The following ABCB1 variants were observed in gnomAD, a reference collection of about 807,000 sequenced individuals.
ABCB1 encodes the protein ATP binding cassette subfamily B member 1.
Under a neutral mutation model 142.0 loss-of-function variants are expected in ABCB1, and 69 were observed. That is an observed-to-expected ratio of 0.49 (90% CI 0.40 to 0.59). The LOEUF (loss-of-function observed/expected upper bound fraction) is 0.59. Among genes scored for constraint, ABCB1 ranks in the 20% least tolerant of loss-of-function variants. The pLI is 0.00. For missense variants in ABCB1, 1,326 were observed against 1,554.7 expected (o/e 0.85, Z 2.47); for synonymous variants, 532 against 539.2 (o/e 0.99, Z 0.18).
chr7:87,561,184 T>C, intron 8 of ABCB1, 79 bp downstream of exon 8: 1 of 1,542,190 alleles, frequency 6.5e-7, no homozygotes, highest in Non-Finnish European at 8.9e-7. Flanking sequence ...AAAATGCTTA[T>C]AAATAACACT....
intron 3 of ABCB1, among the ~76,000 whole-genome samples, chr7:87,588,981 T>C (rs768356895): frequency 1.3e-5 from 2 of 152,224 alleles, no homozygotes; most frequent in Non-Finnish European, 2.9e-5. Flanking sequence ...TGCCCATCTT[T>C]TTATTGGGTT....
intron 2 of ABCB1, among the ~76,000 whole-genome samples, chr7:87,598,593 G>C (rs959542892): frequency 6.6e-6 from 1 of 152,132 alleles, no homozygotes; most frequent in Non-Finnish European, 1.5e-5. Flanking sequence ...TATAACAATG[G>C]AAGTTCCAAA....
At chr7:87,674,569 C>A (rs1480062353) in intron 1 of ABCB1, among the ~76,000 whole-genome samples, 1 of 151,940 alleles carries the variant, frequency 6.6e-6, no homozygotes, top group Non-Finnish European at 1.5e-5. Context: ...AGGGCATGGG[C>A]AAATAGTATA....
intron 1 of ABCB1, among the ~76,000 whole-genome samples, chr7:87,647,600 A>G (rs1823138987): frequency 6.6e-6 from 1 of 152,198 alleles, no homozygotes; most frequent in African/African-American, 2.4e-5. Flanking sequence ...CTTACTTTGC[A>G]TGGTTCCAGT....
intron 15 of ABCB1, among the ~76,000 whole-genome samples, chr7:87,545,599 C>T (rs772135195): frequency 7.2e-5 from 11 of 152,200 alleles, no homozygotes; most frequent in Non-Finnish European, 1.3e-4. Context: ...CATTTAAATG[C>T]TGTACAGACA....
At chr7:87,702,907 A>C (rs1829219614) in intron 1 of ABCB1, among the ~76,000 whole-genome samples, 1 of 152,198 alleles carries the variant, frequency 6.6e-6, no homozygotes, top group Non-Finnish European at 1.5e-5. Context: ...AGGTATACTC[A>C]ACAGAAGGTT....
At chr7:87,677,397 A>G (rs999523585) in intron 1 of ABCB1, among the ~76,000 whole-genome samples, 1 of 152,084 alleles carries the variant, frequency 6.6e-6, no homozygotes, top group African/African-American at 2.4e-5. Context: ...AGGTCAATAA[A>G]CTACATGAAA....
At chr7:87,506,250 T>C in intron 26 of ABCB1, 1 of 575,012 alleles carries the variant, frequency 1.7e-6, no homozygotes, top group Non-Finnish European at 3.1e-6. Flanking sequence ...GTTTGGGCCT[T>C]AAGATGATAT....
chr7:87,572,430 T>C lies in ABCB1; in HGVS notation c.287-2207A>G, dbSNP rs1014170563. 2.0e-5 allele frequency among the ~76,000 whole-genome samples: 3 copies of C among 152,228 alleles called. No homozygotes were observed. In the East Asian group the frequency reaches 5.8e-4, roughly 29 times the overall value. ...TTCAAGGTCAAAATTGCCTCCTTTATGTTTGTATGTCCAATTACACCATAC... is the reference window on the plus strand; with the variant it reads ...TTCAAGGTCAAAATTGCCTCCTTTACGTTTGTATGTCCAATTACACCATAC... On this transcript the variant is annotated intron_variant, in intron 4 of 27. Transcript: ENST00000622132.
chr7:87,583,088 G>A (rs117773249), intron 4 of ABCB1, among the ~76,000 whole-genome samples: 3,981 of 152,240 alleles, frequency 0.026, 80 homozygotes, highest in Middle Eastern at 0.044. Flanking sequence ...AATTATATAA[G>A]GAACCATATC....
intron 9 of ABCB1, 52 bp from the exon 10 acceptor site, chr7:87,550,890 T>C (rs185988672): frequency 1.4e-5 from 16 of 1,122,750 alleles, no homozygotes; most frequent in Non-Finnish European, 2.0e-5. Context: ...GACAGCAATT[T>C]TTTTTCATAC....
chr7:87,539,934 T>C (rs1488905385), intron 18 of ABCB1, among the ~76,000 whole-genome samples: 2 of 152,150 alleles, frequency 1.3e-5, no homozygotes, highest in Non-Finnish European at 2.9e-5. Flanking sequence ...TAACCAAATT[T>C]ACATTGAGCA....
intron 1 of ABCB1, among the ~76,000 whole-genome samples, chr7:87,609,866 A>C (rs1819788384): frequency 6.6e-6 from 1 of 152,170 alleles, no homozygotes; most frequent in African/African-American, 2.4e-5. Flanking sequence ...GAAAAAAAAA[A>C]TGTGAAGGAA....
chr7:87,632,863 AC>A (rs1388214716), intron 1 of ABCB1, among the ~76,000 whole-genome samples: 2 of 152,174 alleles, frequency 1.3e-5, no homozygotes, highest in Non-Finnish European at 2.9e-5. Context: ...TTTCAGAATA[AC>A]ACTTGTCAAA....
At chr7:87,516,761 G>A in intron 23 of ABCB1, 96 bp from the exon 24 acceptor site, 16 of 1,226,470 alleles carry the variant, frequency 1.3e-5, no homozygotes, top group Non-Finnish European at 1.8e-5. Context: ...TTTTGAGGTG[G>A]GGTCTTCCTG....
At position 87,507,588 on chromosome 7, in the gene ABCB1, C is replaced by T. The variant is rs188413888; in HGVS notation, c.3490-1545G>A. 3.9e-5 allele frequency among the ~76,000 whole-genome samples: 6 copies of T among 152,182 alleles called. No individual in the cohort carries two copies. In the East Asian group the frequency reaches 1.2e-3, roughly 29 times the overall value. ...GGGAGACAAGGCCACCTCCCTGGGACTTAATGAGATTGGTGTCAGCAGTTA... is the reference window on the plus strand; with the variant it reads ...GGGAGACAAGGCCACCTCCCTGGGATTTAATGAGATTGGTGTCAGCAGTTA... On this transcript the variant is annotated intron_variant, in intron 26 of 27. Transcript: ENST00000622132.
At chr7:87,673,174 A>G (rs1409059351) in intron 1 of ABCB1, among the ~76,000 whole-genome samples, 1 of 152,184 alleles carries the variant, frequency 6.6e-6, no homozygotes, top group East Asian at 1.9e-4. Context: ...GACTTTGGCA[A>G]ATCTAATGAC....
chr7:87,633,681 T>TA (rs1022981448), intron 1 of ABCB1, among the ~76,000 whole-genome samples: 17 of 151,774 alleles, frequency 1.1e-4, no homozygotes, highest in Non-Finnish European at 1.6e-4. Flanking sequence ...TTTTTTTTTT[T>TA]AAAAAGCACC....
intron 23 of ABCB1, 93 bp from the exon 24 acceptor site, chr7:87,516,758 G>GACCC: frequency 8.7e-7 from 1 of 1,145,598 alleles, no homozygotes; most frequent in Non-Finnish European, 1.2e-6. Context: ...TTTTTTTGAG[G>GACCC]TGGGGTCTTC....
Sources: allele counts gnomAD v4.1 joint callset (sites outside exome capture counted in the v4.1 genomes callset), GRCh38; gene constraint gnomAD v4.1.1; transcripts MANE v1.5; gene names NCBI Gene and HGNC (gene_info 2026-07-23, HGNC 2026-07-21).